The following IQSEC1 variants were observed in gnomAD, a reference collection of about 807,000 sequenced individuals.
The protein encoded by IQSEC1 is IQ motif and Sec7 domain ArfGEF 1.
A neutral mutation model predicts 91.0 loss-of-function variants in IQSEC1; 31 were observed. That is an observed-to-expected ratio of 0.34 (90% CI 0.26 to 0.46). IQSEC1 has a LOEUF of 0.46. Among genes scored for constraint, IQSEC1 ranks in the 20% least tolerant of loss-of-function variants. The pLI is 1.00. For synonymous variants in IQSEC1, 699 were observed against 662.6 expected (o/e 1.05, Z -0.84); for missense variants, 1,388 against 1,575.6 (o/e 0.88, Z 2.02).
intron 1 of IQSEC1, among the ~76,000 whole-genome samples, chr3:13,032,957 G>T (rs552220273): frequency 1.3e-5 from 2 of 152,288 alleles, no homozygotes; most frequent in African/African-American, 4.8e-5. Flanking sequence ...AGCTCTGCAG[G>T]GCACACGAGG....
intron 1 of IQSEC1, among the ~76,000 whole-genome samples, chr3:13,278,648 G>A (rs1409496438): frequency 2.0e-5 from 3 of 152,154 alleles, no homozygotes; most frequent in South Asian, 2.1e-4. Flanking sequence ...GTGAAACCCC[G>A]TCTCTACCAA....
chr3:12,899,794 T>C lies in IQSEC1; in HGVS notation c.*1189A>G, dbSNP rs1002240208. The C allele has an allele frequency of 2.9e-5, 29 of 985,272 alleles. No individual in the cohort carries two copies. The South Asian group carries it at 7.1e-4, about 24-fold the overall frequency. The allele number at this position is 985,272 out of a possible 1,614,324, so 61.0% of individuals were successfully genotyped here. A position where few individuals can be genotyped will look rare whatever the true frequency, so the allele number is the denominator to read the frequency against. ...AGAGTGGTTCCTGATGAAAACACTC[T>C]CTGAGGGCTTCGGCCTGGTGTGGGT... On this transcript the variant is annotated 3_prime_UTR_variant, in exon 14 of 14. Coordinates refer to ENST00000613206, the MANE Select transcript of IQSEC1 (RefSeq NM_001134382.3).
intron 1 of IQSEC1, among the ~76,000 whole-genome samples, chr3:13,002,547 C>CAAAAAAA (rs57241537): frequency 9.3e-6 from 1 of 107,264 alleles, no homozygotes; most frequent in African/African-American, 3.5e-5. Context: ...ACCTGATCTC[C>CAAAAAAA]AAAAAAAAAA....
chr3:13,110,145 G>C (rs1019431920), intron 2 of IQSEC1, among the ~76,000 whole-genome samples: 22 of 151,866 alleles, frequency 1.4e-4, no homozygotes, highest in Non-Finnish European at 2.8e-4. Context: ...GCCCCCCAAA[G>C]TGCTGGGATT....
intron 1 of IQSEC1, among the ~76,000 whole-genome samples, chr3:12,954,962 C>T (rs1026467745): frequency 2.0e-5 from 3 of 152,172 alleles, no homozygotes; most frequent in Non-Finnish European, 2.9e-5. Context: ...CACAGGCCAA[C>T]GGCAGGGCTG....
In IQSEC1 at chr3:12,940,325, C is replaced by T. The variant is rs996537481; in HGVS notation, c.318+1246G>A. On this transcript the variant is annotated intron_variant, in intron 2 of 13. Transcript: ENST00000613206. The surrounding 1 kb of genome is among the most constrained non-coding windows in gnomAD (Gnocchi z 4.4). ...ACCACTCCCTTAGGAAGTTGGGGCA[C>T]ACCAGGCCCAGAACTCTACTCCTTA... Among the ~76,000 whole-genome samples, 1 of 152,136 alleles carries T rather than the reference C, an allele frequency of 6.6e-6. No homozygotes were observed. The highest frequency in any genetic ancestry group is 1.5e-5 in the Non-Finnish European group (1 of 68,028).
At chr3:13,131,478 CTTTTTTTTTTTTTT>C (rs61345195) in intron 2 of IQSEC1, among the ~76,000 whole-genome samples, 2 of 81,706 alleles carry the variant, frequency 2.4e-5, no homozygotes, top group East Asian at 4.2e-4. Context: ...AAATCTATGT[CTTTTTTTTTTTTTT>C]TTTTTTTTTT....
At chr3:13,032,219 A>G (rs1035658223) in intron 1 of IQSEC1, among the ~76,000 whole-genome samples, 1 of 152,196 alleles carries the variant, frequency 6.6e-6, no homozygotes, top group Non-Finnish European at 1.5e-5. Context: ...TCACGGTTCC[A>G]CTTTCAAAAT....
At chr3:13,099,177 A>C (rs1280757897) in intron 2 of IQSEC1, among the ~76,000 whole-genome samples, 1 of 152,172 alleles carries the variant, frequency 6.6e-6, no homozygotes, top group Non-Finnish European at 1.5e-5. Context: ...CACTGAGTGT[A>C]GCCCTGGGGG....
At chr3:13,124,347 G>T (rs977645482) in intron 2 of IQSEC1, among the ~76,000 whole-genome samples, 17 of 152,214 alleles carry the variant, frequency 1.1e-4, no homozygotes, top group Admixed American at 5.9e-4. Context: ...GAGAATTCGA[G>T]GACTCTAGAA....
At chr3:13,074,788 C>G (rs1705536084), upstream of IQSEC1, among the ~76,000 whole-genome samples, 1 of 151,548 alleles carries the variant, frequency 6.6e-6, no homozygotes, top group South Asian at 2.1e-4. Flanking sequence ...TTTCCATTCT[C>G]TCCAGATTCA....
At chr3:13,189,582 CA>C (rs1693986476) in intron 1 of IQSEC1, among the ~76,000 whole-genome samples, 1 of 152,242 alleles carries the variant, frequency 6.6e-6, no homozygotes, top group Non-Finnish European at 1.5e-5. Context: ...GCACCCACTA[CA>C]AGTGACAGCA....
At position 13,042,785 on chromosome 3, in the gene IQSEC1, G is replaced by A. The variant is rs535881000; in HGVS notation, c.23+30207C>T. Among the ~76,000 whole-genome samples, 14 of 152,312 alleles carry A rather than the reference G, an allele frequency of 9.2e-5. No individual in the cohort carries two copies. In the South Asian group the frequency reaches 1.5e-3, roughly 16 times the overall value. On this transcript the variant is annotated intron_variant, in intron 1 of 13. Transcript: ENST00000613206. ...TCTTCCAACCAGGCCCTGGGGCTCCGGGTGGTGGGGCCGGCACTGGCTGGA... is the reference window on the plus strand; with the variant it reads ...TCTTCCAACCAGGCCCTGGGGCTCCAGGTGGTGGGGCCGGCACTGGCTGGA...
At chr3:13,051,395 G>A (rs897412354) in intron 1 of IQSEC1, among the ~76,000 whole-genome samples, 3 of 152,160 alleles carry the variant, frequency 2.0e-5, no homozygotes, top group East Asian at 3.8e-4. Context: ...AAGTTCAAGA[G>A]CAGGAAAAAG....
intron 1 of IQSEC1, among the ~76,000 whole-genome samples, chr3:13,210,868 G>A (rs778348898): frequency 6.6e-6 from 1 of 152,238 alleles, no homozygotes; most frequent in Non-Finnish European, 1.5e-5. Context: ...TGGAGGGCAC[G>A]GCCCACTGTG....
chr3:13,044,155 T>C (rs1411782488), intron 1 of IQSEC1, among the ~76,000 whole-genome samples: 2 of 152,142 alleles, frequency 1.3e-5, no homozygotes, highest in African/African-American at 4.8e-5. Context: ...ATTTTCTCAG[T>C]GTCATTAGCA....
At chr3:13,033,243 G>A (rs189301080) in intron 1 of IQSEC1, among the ~76,000 whole-genome samples, 3 of 152,270 alleles carry the variant, frequency 2.0e-5, no homozygotes, top group Non-Finnish European at 4.4e-5. Flanking sequence ...TGACGAGCCC[G>A]AGGACAGGTC....
intron 1 of IQSEC1, chr3:12,960,354 C>T (rs1370990701): frequency 6.6e-6 from 1 of 152,166 alleles, no homozygotes; most frequent in Admixed American, 6.5e-5. Context: ...ATTCTCCTTC[C>T]ACTCTGCTGA....
Position 12,898,835 on chromosome 3 carries a change from C to T in IQSEC1, c.*2148G>A, listed in dbSNP as rs529735447. 2 of 150,906 alleles carry T rather than the reference C, an allele frequency of 1.3e-5. No individual in the cohort carries two copies. Among genetic ancestry groups the T allele is most frequent in the South Asian group, 4.3e-4 (2 of 4,702 alleles). 9.3% of individuals were successfully genotyped at this position (150,906 alleles called of 1,614,324 possible). A position where few individuals can be genotyped will look rare whatever the true frequency, so the allele number is the denominator to read the frequency against. On this transcript the variant is annotated 3_prime_UTR_variant, in exon 14 of 14. Transcript: ENST00000613206. ...ATGACATGCAGCAGTTTAACGCTTCCAGGTCGGAACAGCCTCCTCAAAATT... is the reference window on the plus strand; with the variant it reads ...ATGACATGCAGCAGTTTAACGCTTCTAGGTCGGAACAGCCTCCTCAAAATT...
Sources: gnomAD v4.1 joint callset for allele counts (sites outside exome capture counted in the v4.1 genomes callset) on GRCh38, gnomAD v4.1.1 for gene constraint, Gnocchi (gnomAD v3.1) non-coding constraint, MANE v1.5 for transcripts, NCBI Gene and HGNC (gene_info 2026-07-23, HGNC 2026-07-21) for gene names.